IRAG2: variants seen among roughly 807,000 people sequenced by gnomAD.
The protein encoded by IRAG2 is lymphoid restricted membrane protein.
In IRAG2, 45 loss-of-function variants were observed where a neutral mutation model predicts 69.9. That is an observed-to-expected ratio of 0.64 (90% CI 0.51 to 0.83). The LOEUF (loss-of-function observed/expected upper bound fraction) is 0.83, where lower values mean the gene tolerates loss of function less well. Among genes scored for constraint, IRAG2 ranks in the 40% least tolerant of loss-of-function variants. The pLI, the probability that IRAG2 is intolerant of heterozygous loss-of-function variation, is 0.00. For synonymous variants in IRAG2, 193 were observed against 202.4 expected, an observed-to-expected ratio of 0.95 and a Z score of 0.40; for missense variants, 520 against 587.0, an observed-to-expected ratio of 0.89 and a Z score of 1.18.
intron 8 of IRAG2, among the ~76,000 whole-genome samples, chr12:25,025,717 C>T (rs549645857): frequency 6.6e-6 from 1 of 152,266 alleles, no homozygotes; most frequent in East Asian, 1.9e-4. Context: ...GGGGCTTGGA[C>T]TGAGTAGTTG....
At chr12:25,047,202 C>A (rs1385374849) in intron 16 of IRAG2, among the ~76,000 whole-genome samples, 1 of 152,102 alleles carries the variant, frequency 6.6e-6, no homozygotes, top group Non-Finnish European at 1.5e-5. Flanking sequence ...AAATTTAAGA[C>A]CTAAAACTGA....
At chr12:25,017,529 C>A (rs747157308) in intron 6 of IRAG2, among the ~76,000 whole-genome samples, 3 of 151,992 alleles carry the variant, frequency 2.0e-5, no homozygotes, top group Non-Finnish European at 2.9e-5. Context: ...ACCAGCCTGG[C>A]CAACATGGTG....
intron 10 of IRAG2, among the ~76,000 whole-genome samples, chr12:25,084,572 A>G (rs1317935224): frequency 7.3e-6 from 1 of 136,872 alleles, no homozygotes; most frequent in Non-Finnish European, 1.6e-5. Context: ...TGTGTGTATT[A>G]TTGTTTTTTT....
intron 16 of IRAG2, among the ~76,000 whole-genome samples, chr12:25,044,956 A>G (rs1260210728): frequency 6.6e-6 from 1 of 152,138 alleles, no homozygotes; most frequent in Admixed American, 6.5e-5. Flanking sequence ...TAGAATATAC[A>G]TCTTTCTTAA....
At chr12:25,079,362 T>G in intron 7 of IRAG2, 36 bp from the exon 8 acceptor site, 1 of 1,607,214 alleles carries the variant, frequency 6.2e-7, no homozygotes, top group Non-Finnish European at 8.5e-7. Flanking sequence ...TATTTGGACC[T>G]GACATTCCAA....
chr12:25,011,382 G>A (rs1011601119), exon 3 of IRAG2: 45 of 1,231,608 alleles, frequency 3.7e-5, no homozygotes, highest in Non-Finnish European at 3.1e-5. Context: ...CTCAGTCGGA[G>A]TGGCCAAAAT....
chr12:25,054,936 C>A (rs113404063), intron 1 of IRAG2, among the ~76,000 whole-genome samples: 1 of 152,212 alleles, frequency 6.6e-6, no homozygotes. Context: ...AACACGTCCA[C>A]GCACATCCCG....
At chr12:25,102,287 C>T (rs376625768) in intron 17 of IRAG2, 46 bp downstream of exon 17, 184 of 1,490,552 alleles carry the variant, frequency 1.2e-4, no homozygotes, top group South Asian at 1.2e-3. Context: ...TACTATAAGA[C>T]GGTTTTAAAA....
At chr12:25,057,685 G>A (rs1451635707) in intron 1 of IRAG2, among the ~76,000 whole-genome samples, 4 of 151,852 alleles carry the variant, frequency 2.6e-5, no homozygotes, top group African/African-American at 7.3e-5. Flanking sequence ...TTCAGATCTC[G>A]AGTATACTAT....
At chr12:25,048,272 T>C (rs1033773784), upstream of IRAG2, among the ~76,000 whole-genome samples, 3 of 152,306 alleles carry the variant, frequency 2.0e-5, no homozygotes, top group African/African-American at 7.2e-5. Context: ...GAAGTGTCTG[T>C]TCCTGTCCTT....
At chr12:25,077,286 G>GAA (rs56891228) in intron 6 of IRAG2, among the ~76,000 whole-genome samples, 4,558 of 19,074 alleles carry the variant, frequency 0.24, 1,071 homozygotes, top group East Asian at 0.62. Context: ...AAATATATAT[G>GAA]ATATATATAT....
chr12:25,100,024 A>AAAAAAAAAAAAAG (rs1948664196), intron 15 of IRAG2, among the ~76,000 whole-genome samples: 1 of 140,658 alleles, frequency 7.1e-6, no homozygotes, highest in African/African-American at 2.5e-5. Context: ...AAAAAAAAAA[A>AAAAAAAAAAAAAG]ATGGGCAAAA....
intron 8 of IRAG2, among the ~76,000 whole-genome samples, chr12:25,024,095 A>G (rs1184613027): frequency 6.6e-6 from 1 of 152,244 alleles, no homozygotes; most frequent in Non-Finnish European, 1.5e-5. Context: ...ATGTCTGAAC[A>G]GAGAAACTGT....
intron 16 of IRAG2, among the ~76,000 whole-genome samples, chr12:25,046,616 A>C (rs998600962): frequency 2.0e-5 from 3 of 152,174 alleles, no homozygotes; most frequent in African/African-American, 7.2e-5. Flanking sequence ...CTTTGAAATA[A>C]ATTTAAAGAG....
At chr12:25,051,227 G>A (rs984819812), upstream of IRAG2, among the ~76,000 whole-genome samples, 1 of 152,174 alleles carries the variant, frequency 6.6e-6, no homozygotes, top group African/African-American at 2.4e-5. Context: ...GATGTAGGCA[G>A]TTTTTATTTT....
rs148356544 is a variant in IRAG2, at chr12:25,037,444, A to G, written c.1981-530A>G. On this transcript the variant is annotated intron_variant, in intron 15 of 38. Coordinates refer to the IRAG2 transcript ENST00000636465. ...CTCCCAAGTAGCTGGGATTACATGC[A>G]TGCACTACCACGCCCGGCTAATTTT... 7.7e-4 allele frequency among the ~76,000 whole-genome samples: 117 copies of G among 152,166 alleles called. 1 individual carries two copies. In the East Asian group the frequency reaches 0.022, roughly 28 times the overall value.
chr12:25,089,031 G>T (rs891296608), intron 11 of IRAG2, among the ~76,000 whole-genome samples: 11 of 152,104 alleles, frequency 7.2e-5, no homozygotes, highest in African/African-American at 2.7e-4. Context: ...ACAAAGCTCA[G>T]ACTTAAACCA....
At chr12:25,062,714 C>T (rs1046824059) in intron 2 of IRAG2, 106 bp from the exon 3 acceptor site, 2 of 396,424 alleles carry the variant, frequency 5.0e-6, no homozygotes, top group Non-Finnish European at 8.9e-6. Flanking sequence ...GTCAATTTCA[C>T]CCACTTTGGG....
chr12:25,019,047 C>A (rs1157754289), intron 6 of IRAG2, among the ~76,000 whole-genome samples: 2 of 152,168 alleles, frequency 1.3e-5, no homozygotes, highest in African/African-American at 4.8e-5. Context: ...GGCTCAGCTG[C>A]CATGCTCAAA....
Sources: gnomAD v4.1 joint callset for allele counts (sites outside exome capture counted in the v4.1 genomes callset) on GRCh38, gnomAD v4.1.1 for gene constraint, MANE v1.5 for transcripts, NCBI Gene and HGNC (gene_info 2026-07-23, HGNC 2026-07-21) for gene names.